The following CARF variants were observed in gnomAD, a reference collection of about 807,000 sequenced individuals.
CARF encodes calcium-responsive transcription factor.
CARF carries 57 observed loss-of-function variants against 82.0 expected under a neutral mutation model. The observed-to-expected ratio is 0.70, with a 90% CI of 0.56 to 0.87. CARF has a LOEUF of 0.87. Among genes scored for constraint, CARF ranks in the 40% least tolerant of loss-of-function variants. The pLI is 0.00. For synonymous variants in CARF, 268 were observed against 290.1 expected, an observed-to-expected ratio of 0.92 and a Z score of 0.77; for missense variants, 771 against 855.8, an observed-to-expected ratio of 0.90 and a Z score of 1.24.
chr2:202,950,944 C>T (rs906850210), intron 5 of CARF, among the ~76,000 whole-genome samples: 3 of 150,656 alleles, frequency 2.0e-5, no homozygotes, highest in Non-Finnish European at 3.0e-5. Context: ...TGGGAACTAT[C>T]TATGATTATA....
At chr2:202,974,903 A>AAT (rs555999665) in intron 13 of CARF, among the ~76,000 whole-genome samples, 7,253 of 151,872 alleles carry the variant, frequency 0.048, 238 homozygotes, top group Non-Finnish European at 0.075. Context: ...CATCTCAAAA[A>AAT]ATATATATAT....
intron 13 of CARF, among the ~76,000 whole-genome samples, chr2:202,977,002 C>T (rs972046714): frequency 6.6e-6 from 1 of 152,162 alleles, no homozygotes; most frequent in Admixed American, 6.5e-5. Context: ...TGTACCCAGC[C>T]CAATAACTCT....
At chr2:202,962,262 C>G (rs563316336) in intron 9 of CARF, 1 of 152,052 alleles carries the variant, frequency 6.6e-6, no homozygotes, top group Non-Finnish European at 1.5e-5. Context: ...GAGGCCAAGG[C>G]GAGAGGATTG....
chr2:202,948,491 AT>A (rs888266033), intron 5 of CARF, among the ~76,000 whole-genome samples: 1 of 151,342 alleles, frequency 6.6e-6, no homozygotes, highest in Non-Finnish European at 1.5e-5. Context: ...ATGAGCATGG[AT>A]TTTTTTTTCC....
At chr2:202,970,936 G>A (rs1163010465) in intron 11 of CARF, among the ~76,000 whole-genome samples, 8 of 151,468 alleles carry the variant, frequency 5.3e-5, no homozygotes, top group Non-Finnish European at 8.8e-5. Flanking sequence ...TTGGCCAGCA[G>A]GAGCTGGGAG....
Position 202,951,881 on chromosome 2 carries a change from G to A in CARF, c.307-678G>A, listed in dbSNP as rs1451091950. ...AGAGTCTCGCTCTGTCGCCCAGGCT[G>A]GAGTATAGTGGCGCGATCTCGGCTC... On this transcript the variant is annotated intron_variant, in intron 5 of 16. Transcript: ENST00000438828. 2.0e-5 allele frequency among the ~76,000 whole-genome samples: 3 copies of A among 150,704 alleles called. No individual in the cohort carries two copies. In the East Asian group the frequency reaches 5.8e-4, roughly 29 times the overall value.
chr2:202,933,528 C>T (rs750398728), intron 3 of CARF, among the ~76,000 whole-genome samples: 15 of 152,126 alleles, frequency 9.9e-5, no homozygotes, highest in Non-Finnish European at 1.8e-4. Flanking sequence ...TCTTGCTTCC[C>T]TCCTTGCTGC....
At chr2:202,921,849 G>A (rs1036307081) in intron 2 of CARF, among the ~76,000 whole-genome samples, 3 of 151,666 alleles carry the variant, frequency 2.0e-5, no homozygotes, top group Non-Finnish European at 2.9e-5. Context: ...TTCCTGAGAT[G>A]GGGTCTCACT....
chr2:202,916,753 C>G (rs1419613680), intron 1 of CARF, among the ~76,000 whole-genome samples: 2 of 152,028 alleles, frequency 1.3e-5, no homozygotes, highest in Non-Finnish European at 2.9e-5. Flanking sequence ...AAGAAATTGC[C>G]TCCAAAATTT....
chr2:202,973,050 C>T (rs907435011), intron 12 of CARF, among the ~76,000 whole-genome samples: 1 of 152,122 alleles, frequency 6.6e-6, no homozygotes, highest in Non-Finnish European at 1.5e-5. Context: ...AGAAGCAAGC[C>T]ACTGCACCTG....
At chr2:202,915,237 G>A (rs1327333771) in intron 1 of CARF, among the ~76,000 whole-genome samples, 1 of 151,604 alleles carries the variant, frequency 6.6e-6, no homozygotes, top group Non-Finnish European at 1.5e-5. Flanking sequence ...GGATGGTCTC[G>A]ATCCCCTGAC....
chr2:202,944,792 G>GTT (rs1023720542), intron 5 of CARF, among the ~76,000 whole-genome samples: 3 of 56,578 alleles, frequency 5.3e-5, no homozygotes, highest in African/African-American at 1.4e-4. Flanking sequence ...GAAAGTTTGT[G>GTT]TTTTTTTTTT....
At chr2:202,916,555 A>G (rs1274572915) in intron 1 of CARF, among the ~76,000 whole-genome samples, 3 of 152,210 alleles carry the variant, frequency 2.0e-5, no homozygotes, top group African/African-American at 7.2e-5. Flanking sequence ...TTTACATCTT[A>G]GGACATTAAC....
chr2:202,921,025 G>A (rs961460667), intron 2 of CARF, among the ~76,000 whole-genome samples: 1 of 151,934 alleles, frequency 6.6e-6, no homozygotes, highest in African/African-American at 2.4e-5. Context: ...TTTTTGAGAC[G>A]GAGTCTCACT....
chr2:202,921,827 A>C (rs1690849004), intron 2 of CARF, among the ~76,000 whole-genome samples: 1 of 151,986 alleles, frequency 6.6e-6, no homozygotes, highest in African/African-American at 2.4e-5. Context: ...AATTTTATTG[A>C]AAAATTTTTT....
rs1402224484 is a variant in CARF at position 202,924,077 on chromosome 2, ATCT to A, written c.-162-215_-162-213del. On this transcript the variant is annotated intron_variant, in intron 2 of 16. Coordinates refer to ENST00000438828, the MANE Select transcript of CARF (RefSeq NM_024744.17). ...TTGTGTGCTTACTTGCTAGCTATAT[ATCT>A]TCTTTAGTGAAGTTGTATCGTCAAA... Among the ~76,000 whole-genome samples the A allele has an allele frequency of 4.6e-5, 7 of 152,336 alleles. No individual in the cohort carries two copies. In the East Asian group the frequency reaches 1.2e-3, roughly 25 times the overall value.
intron 14 of CARF, 104 bp downstream of exon 14, chr2:202,977,436 C>G: frequency 1.2e-6 from 1 of 847,070 alleles, no homozygotes; most frequent in Non-Finnish European, 1.9e-6. Flanking sequence ...ATAAGGAAAC[C>G]AGGATCCAAA....
chr2:202,945,713 T>C (rs2058466110), intron 5 of CARF, among the ~76,000 whole-genome samples: 1 of 152,238 alleles, frequency 6.6e-6, no homozygotes, highest in Admixed American at 6.5e-5. Context: ...AATCTGTCAA[T>C]GATGGGCATT....
At chr2:202,928,103 A>C (rs1048983679) in intron 3 of CARF, among the ~76,000 whole-genome samples, 1 of 152,112 alleles carries the variant, frequency 6.6e-6, no homozygotes, top group Admixed American at 6.6e-5. Context: ...CTTTGTAACC[A>C]TCAACCATTT....
Sources: allele counts gnomAD v4.1 joint callset (sites outside exome capture counted in the v4.1 genomes callset), GRCh38; gene constraint gnomAD v4.1.1; transcripts MANE v1.5; gene names NCBI Gene and HGNC (gene_info 2026-07-23, HGNC 2026-07-21).